REEP5: variants seen among roughly 807,000 people sequenced by gnomAD.
REEP5 encodes the protein receptor expression-enhancing protein 5.
REEP5 carries 24 observed loss-of-function variants against 22.4 expected under a neutral mutation model. The ratio of observed to expected loss-of-function variants is 1.07; its 90% CI spans 0.78 to 1.51. REEP5 has a LOEUF of 1.51. REEP5 is among the 40% of genes most tolerant of loss of function. REEP5 has a pLI of 0.00. For missense variants in REEP5, 252 were observed against 233.0 expected, an observed-to-expected ratio of 1.08 and a Z score of -0.53; for synonymous variants, 103 against 88.6, an observed-to-expected ratio of 1.16 and a Z score of -0.92.
Position 112,887,023 on chromosome 5 carries a change from G to T in REEP5, c.512C>A (p.Thr171Asn). 1 of 1,602,530 alleles carries T rather than the reference G, an allele frequency of 6.2e-7. No individual in the cohort carries two copies. ...DKAKETADAI[T>N]KEAKKATVNL... is the part of the protein sequence containing the mutation. Reference sequence around the variant, plus strand: ...TTGTTCCTGAGTCTTACCTTCTTTAGTGATGGCATCTGCAGTCTCTTTGGC... The same window carrying T: ...TTGTTCCTGAGTCTTACCTTCTTTATTGATGGCATCTGCAGTCTCTTTGGC... Residue 171 changes from threonine (T) to asparagine (N), a missense_variant, in exon 4 of 5, where the codon ACT becomes AAT. By Grantham distance (65) the Thr-to-Asn change is moderately conservative. Coordinates refer to ENST00000379638, the MANE Select transcript of REEP5 (RefSeq NM_005669.5).
chr5:112,905,472 C>T (rs1380543961), intron 2 of REEP5, among the ~76,000 whole-genome samples: 1 of 149,120 alleles, frequency 6.7e-6, no homozygotes, highest in South Asian at 2.1e-4. Context: ...ACCCGGGAGG[C>T]GGGGGTTGCA....
chr5:112,882,741 A>AT, intron 4 of REEP5, among the ~76,000 whole-genome samples: 1 of 152,294 alleles, frequency 6.6e-6, no homozygotes, highest in Non-Finnish European at 1.5e-5. Context: ...AGCCCACGAA[A>AT]TTTAAAACAT....
In REEP5 at chr5:112,877,916, G is replaced by A. The variant is rs1935870779; in HGVS notation, c.*870C>T. The A allele has an allele frequency of 1.3e-5, 2 of 151,988 alleles. No individual in the cohort carries two copies. Among genetic ancestry groups the A allele is most frequent in the African/African-American group, 4.8e-5 (2 of 41,450 alleles). 9.4% of individuals were successfully genotyped at this position (151,988 alleles called of 1,614,324 possible). The stretch of plus-strand genomic sequence containing the variant: ...TAGCATCTTGACAATAGACAAATAT[G>A]TAAAGTTTATAGCAGATAAGACAGT... On this transcript the variant is annotated 3_prime_UTR_variant, in exon 5 of 5. Coordinates refer to ENST00000379638, the MANE Select transcript of REEP5 (RefSeq NM_005669.5).
intron 3 of REEP5, among the ~76,000 whole-genome samples, chr5:112,890,447 T>C (rs77332782): frequency 0.068 from 10,155 of 150,098 alleles, 543 homozygotes; most frequent in South Asian, 0.14. Context: ...CAAAACACTA[T>C]AGCCTCAACT....
At chr5:112,884,782 C>G (rs1027212023) in intron 4 of REEP5, among the ~76,000 whole-genome samples, 4 of 151,498 alleles carry the variant, frequency 2.6e-5, no homozygotes, top group South Asian at 2.1e-4. Context: ...GTCCTTGGCC[C>G]CCCCCCATCT....
intron 4 of REEP5, among the ~76,000 whole-genome samples, chr5:112,886,720 G>A (rs1400842941): frequency 1.3e-5 from 2 of 152,156 alleles, no homozygotes; most frequent in Non-Finnish European, 2.9e-5. Context: ...TAGAAGAGAT[G>A]GACTTGCATA....
chr5:112,902,007 G>T (rs980172338), intron 3 of REEP5, among the ~76,000 whole-genome samples: 3 of 147,778 alleles, frequency 2.0e-5, no homozygotes, highest in Non-Finnish European at 4.5e-5. Context: ...AAGACAAAAA[G>T]AATTATATAT....
intron 1 of REEP5, chr5:112,921,691 T>A: frequency 4.2e-6 from 1 of 237,626 alleles, no homozygotes; most frequent in South Asian, 6.2e-5. Flanking sequence ...CGGGCGGAGC[T>A]CCACGGAGGG....
chr5:112,887,706 A>T (rs910158035), intron 3 of REEP5, among the ~76,000 whole-genome samples: 2 of 151,998 alleles, frequency 1.3e-5, no homozygotes, highest in African/African-American at 4.8e-5. Flanking sequence ...GCCTTCAAGG[A>T]ATCTTTACAG....
intron 2 of REEP5, among the ~76,000 whole-genome samples, chr5:112,905,393 T>C (rs1768932720): frequency 6.6e-6 from 1 of 151,664 alleles, no homozygotes; most frequent in African/African-American, 2.4e-5. Flanking sequence ...ATACAAAAAT[T>C]AGCCGGGCGT....
At chr5:112,914,673 C>T (rs182102217) in intron 2 of REEP5, among the ~76,000 whole-genome samples, 1 of 152,154 alleles carries the variant, frequency 6.6e-6, no homozygotes, top group African/African-American at 2.4e-5. Context: ...AACCTCACAA[C>T]TTAGAAGGGG....
Position 112,880,004 on chromosome 5 carries a change from C to T in REEP5, c.521-1169G>A, listed in dbSNP as rs1320684108. 1.1e-4 allele frequency among the ~76,000 whole-genome samples: 16 copies of T among 151,878 alleles called. No homozygotes were observed. In the East Asian group the frequency reaches 3.1e-3, roughly 30 times the overall value. Reference sequence around the variant, plus strand: ...GAATGCTATATAAATTGTTGTTATACTAAATTGTTTTTAAAATCTGTATTT... The same window carrying T: ...GAATGCTATATAAATTGTTGTTATATTAAATTGTTTTTAAAATCTGTATTT... On this transcript the variant is annotated intron_variant, in intron 4 of 4. Coordinates refer to ENST00000379638, the MANE Select transcript of REEP5 (RefSeq NM_005669.5).
intron 2 of REEP5, among the ~76,000 whole-genome samples, chr5:112,905,554 AAC>A (rs1410276848): frequency 1.5e-3 from 208 of 142,170 alleles, no homozygotes; most frequent in African/African-American, 5.3e-3. Context: ...AAAAAAACAA[AAC>A]AAAAAAAAAA....
intron 2 of REEP5, among the ~76,000 whole-genome samples, chr5:112,917,777 G>A (rs1054450187): frequency 6.6e-6 from 1 of 152,128 alleles, no homozygotes; most frequent in African/African-American, 2.4e-5. Context: ...GTATGATTCC[G>A]TCTACATGAA....
In REEP5 at chr5:112,916,997, A is replaced by ATAAC. The variant is rs1251495040; in HGVS notation, c.212+4162_212+4165dup. ...AGTCATACAAAGAGCTAAATGCAAT[A>ATAAC]TAACTCTTTACACCAGCAGCAAAAG... On this transcript the variant is annotated intron_variant, in intron 2 of 4. Transcript: ENST00000379638. Among the ~76,000 whole-genome samples the ATAAC allele has an allele frequency of 7.9e-5, 12 of 152,398 alleles. No individual in the cohort carries two copies. In the South Asian group the frequency reaches 2.5e-3, roughly 32 times the overall value.
intron 3 of REEP5, chr5:112,896,176 C>A (rs1207831790): frequency 6.6e-6 from 1 of 152,592 alleles, no homozygotes; most frequent in Non-Finnish European, 1.5e-5. Flanking sequence ...CTTAAAAGAA[C>A]GTGTTAAAGG....
chr5:112,889,335 T>C (rs1483434353), intron 3 of REEP5, among the ~76,000 whole-genome samples: 1 of 150,368 alleles, frequency 6.7e-6, no homozygotes, highest in Non-Finnish European at 1.5e-5. Context: ...CAAAACCAAA[T>C]AGGAACACTG....
chr5:112,887,236 C>G, intron 3 of REEP5, 53 bp from the exon 4 acceptor site: 2 of 1,462,142 alleles, frequency 1.4e-6, no homozygotes, highest in East Asian at 4.7e-5. Context: ...GGGGCACATT[C>G]TGAGAATACA....
chr5:112,921,671 G>T (rs1380480124), intron 1 of REEP5: 1 of 236,382 alleles, frequency 4.2e-6, no homozygotes, highest in Admixed American at 5.7e-5. Flanking sequence ...CACCCGAGAG[G>T]CGCCCTCTCC....
Sources: gnomAD v4.1 joint callset for allele counts (sites outside exome capture counted in the v4.1 genomes callset) on GRCh38, gnomAD v4.1.1 for gene constraint, MANE v1.5 for transcripts, NCBI Gene and HGNC (gene_info 2026-07-23, HGNC 2026-07-21) for gene names.